The following SPATA32 variants were observed in gnomAD, a reference collection of about 807,000 sequenced individuals.
SPATA32 encodes the protein spermatogenesis associated 32, also known as spermatogenesis-associated protein 32.
A neutral mutation model predicts 35.4 loss-of-function variants in SPATA32; 28 were observed. The observed-to-expected ratio is 0.79, with a 90% confidence interval of 0.59 to 1.09. The LOEUF (loss-of-function observed/expected upper bound fraction) is 1.09. Ranked by LOEUF, SPATA32 falls within the 50% of genes least tolerant of loss-of-function variation. The pLI, the probability that SPATA32 is intolerant of heterozygous loss-of-function variation, is 0.00. For synonymous variants in SPATA32, 168 were observed against 196.3 expected, an observed-to-expected ratio of 0.86 and a Z score of 1.20; for missense variants, 409 against 475.9, an observed-to-expected ratio of 0.86 and a Z score of 1.31.
chr17:45,256,271 G>A lies in SPATA32; in HGVS notation c.108+105C>T. On this transcript the variant is annotated intron_variant, in intron 3 of 4. Coordinates refer to ENST00000331780, the MANE Select transcript of SPATA32 (RefSeq NM_152343.3). The surrounding 1 kb of genome is among the most constrained non-coding windows in gnomAD (Gnocchi z 4.7). ...GTGTGGGTGTACCCACACCGGCCTG[G>A]TACTAGGGTCCCAGGATTGTCAAGG... The A allele has an allele frequency of 2.3e-6, 3 of 1,316,782 alleles. No homozygotes were observed. Among genetic ancestry groups the A allele is most frequent in the Non-Finnish European group, 3.3e-6 (3 of 910,688 alleles). The allele number at this position is 1,316,782 out of a possible 1,614,324, so 81.6% of individuals were successfully genotyped here. A position where few individuals can be genotyped will look rare whatever the true frequency, so the allele number is the denominator to read the frequency against.
Position 45,262,088 on chromosome 17 carries a change from T to G in SPATA32, c.-72A>C. 7.6e-7 allele frequency: 1 copy of G among 1,307,764 alleles called. No homozygotes were observed. 81.0% of individuals were successfully genotyped at this position (1,307,764 alleles called of 1,614,324 possible). A position where few individuals can be genotyped will look rare whatever the true frequency, so the allele number is the denominator to read the frequency against. On this transcript the variant is annotated 5_prime_UTR_variant, in exon 1 of 5. Transcript: ENST00000331780. ...CTGCCTCTCCGCCTCCAGTGTGCTC[T>G]TTGGCTGAGGGACTGGTGGGCGCTG...
At chr17:45,254,547 C>T in intron 4 of SPATA32, 34 bp from the exon 5 acceptor site, 1 of 1,609,536 alleles carries the variant, frequency 6.2e-7, no homozygotes, top group Non-Finnish European at 8.5e-7. Context: ...CACTTGGGCC[C>T]CAGAGGGTGG....
At position 45,257,153 on chromosome 17, in the gene SPATA32, C is replaced by A. The variant is rs780231460; in HGVS notation, c.68G>T (p.Arg23Leu). 1.2e-6 allele frequency: 2 copies of A among 1,612,160 alleles called. No homozygotes were observed. Among genetic ancestry groups the A allele is most frequent in the South Asian group, 1.1e-5 (1 of 90,792 alleles). ...GKGSVEVAEM[R>L]DDLSQHQIQE... ...TACGTTGATTGAGGATGGTTCTCAC[C>A]GCATCTCTGCAACCTCCACTGACCC... Residue 23 changes from arginine (R) to leucine (L), a missense_variant and splice_region_variant, in exon 2 of 5, where the codon CGA becomes CTA. By Grantham distance (102) the Arg-to-Leu change is moderately radical. Coordinates refer to ENST00000331780, the MANE Select transcript of SPATA32 (RefSeq NM_152343.3).
rs753116813 is a variant in SPATA32, at chr17:45,256,522, G to A, written c.69-107C>T. On this transcript the variant is annotated intron_variant, in intron 2 of 4. Coordinates refer to ENST00000331780, the MANE Select transcript of SPATA32 (RefSeq NM_152343.3). The surrounding 1 kb of genome is among the most constrained non-coding windows in gnomAD (Gnocchi z 4.7). ...TCTGCCTTGTAACAGAAGCTGGCAC[G>A]ATGCACCTCCCGCCGACCACCCCGC... 1.7e-4 allele frequency: 164 copies of A among 975,132 alleles called. No homozygotes were observed. The Middle Eastern group carries it at 2.5e-3, about 15-fold the overall frequency. The allele number at this position is 975,132 out of a possible 1,614,324, so 60.4% of individuals were successfully genotyped here. A position where few individuals can be genotyped will look rare whatever the true frequency, so the allele number is the denominator to read the frequency against.
In SPATA32 at chr17:45,256,454, T is replaced by C; in HGVS notation, c.69-39A>G. Reference sequence around the variant, plus strand: ...AGACAGAGTGGGTGATGGGGATCTGTGGGGCTTCAGCGGGAAGGGGGTTTC... The same window carrying C: ...AGACAGAGTGGGTGATGGGGATCTGCGGGGCTTCAGCGGGAAGGGGGTTTC... On this transcript the variant is annotated intron_variant, in intron 2 of 4. Transcript: ENST00000331780. The surrounding 1 kb of genome is among the most constrained non-coding windows in gnomAD (Gnocchi z 4.7). 1.3e-6 allele frequency: 2 copies of C among 1,589,936 alleles called. No individual in the cohort carries two copies. Among genetic ancestry groups the C allele is most frequent in the South Asian group, 1.1e-5 (1 of 90,668 alleles).
chr17:45,259,292 A>G (rs1331589203), intron 1 of SPATA32, among the ~76,000 whole-genome samples: 2 of 152,110 alleles, frequency 1.3e-5, no homozygotes, highest in African/African-American at 2.4e-5. Context: ...GATGCCTTTC[A>G]TTAGCTTGGG....
At position 45,254,409 on chromosome 17, in the gene SPATA32, T is replaced by A; in HGVS notation, c.*17A>T. ...AAGCCGACGGCCAGCACTGGAGGCTTTATTGGTTCTGTCTAGTCATTTCTC... is the reference window on the plus strand; with the variant it reads ...AAGCCGACGGCCAGCACTGGAGGCTATATTGGTTCTGTCTAGTCATTTCTC... On this transcript the variant is annotated 3_prime_UTR_variant, in exon 5 of 5. Coordinates refer to ENST00000331780, the MANE Select transcript of SPATA32 (RefSeq NM_152343.3). The A allele has an allele frequency of 1.2e-6, 2 of 1,613,056 alleles. No individual in the cohort carries two copies. The highest frequency in any genetic ancestry group is 1.7e-6 in the Non-Finnish European group (2 of 1,179,030).
chr17:45,256,213 C>T lies in SPATA32; in HGVS notation c.109-140G>A. The T allele has an allele frequency of 8.1e-7, 1 of 1,235,854 alleles. No homozygotes were observed. The highest frequency in any genetic ancestry group is 1.2e-6 in the Non-Finnish European group (1 of 854,912). The allele number at this position is 1,235,854 out of a possible 1,614,324, so 76.6% of individuals were successfully genotyped here. ...CCGCCCCCTAACCCCATGCCTGCCT[C>T]CTCTCAGAGACCTGCCCGGTGAGGG... On this transcript the variant is annotated intron_variant, in intron 3 of 4. Coordinates refer to ENST00000331780, the MANE Select transcript of SPATA32 (RefSeq NM_152343.3). This position sits in a 1 kb window ranked among gnomAD's most constrained non-coding sequence, Gnocchi z 4.7.
At position 45,256,279 on chromosome 17, in the gene SPATA32, G is replaced by T; in HGVS notation, c.108+97C>A. On this transcript the variant is annotated intron_variant, in intron 3 of 4. Coordinates refer to ENST00000331780, the MANE Select transcript of SPATA32 (RefSeq NM_152343.3). The surrounding 1 kb of genome is among the most constrained non-coding windows in gnomAD (Gnocchi z 4.7). Reference sequence around the variant, plus strand: ...GTACCCACACCGGCCTGGTACTAGGGTCCCAGGATTGTCAAGGGTAGGGGC... The same window carrying T: ...GTACCCACACCGGCCTGGTACTAGGTTCCCAGGATTGTCAAGGGTAGGGGC... 1.5e-6 allele frequency: 2 copies of T among 1,354,954 alleles called. No individual in the cohort carries two copies. The highest frequency in any genetic ancestry group is 2.1e-6 in the Non-Finnish European group (2 of 944,544). The allele number at this position is 1,354,954 out of a possible 1,614,324, so 83.9% of individuals were successfully genotyped here. A position where few individuals can be genotyped will look rare whatever the true frequency, so the allele number is the denominator to read the frequency against.
At position 45,256,397 on chromosome 17, in the gene SPATA32, G is replaced by A. The variant is rs749935118; in HGVS notation, c.87C>T (p.His29=). 1.2e-4 allele frequency: 199 copies of A among 1,606,204 alleles called. No homozygotes were observed. The highest frequency in any genetic ancestry group is 1.6e-4 in the Non-Finnish European group (194 of 1,175,938). ...VAEMRDDLSQ[H]QIQEEQELEA... is the part of the protein sequence containing the mutation. ...TTACCTCCTGTTCCTCTTGTATCTG[G>A]TGTTGACTTAAGTCATCTCTAAGAC... Residue 29 remains histidine, a synonymous_variant, in exon 3 of 5, where the codon CAC becomes CAT. Transcript: ENST00000331780. The surrounding 1 kb of genome is among the most constrained non-coding windows in gnomAD (Gnocchi z 4.7).
Position 45,255,328 on chromosome 17 carries a change from T to C in SPATA32, c.854A>G (p.Glu285Gly). 1 of 1,614,212 alleles carries C rather than the reference T, an allele frequency of 6.2e-7. No individual in the cohort carries two copies. The highest frequency in any genetic ancestry group is 1.1e-5 in the South Asian group (1 of 91,090). Residue 285 changes from glutamate (E) to glycine (G), a missense_variant, in exon 4 of 5, where the codon GAG becomes GGG. Physicochemically the swap from Glu to Gly is moderately conservative, Grantham distance 98. Coordinates refer to ENST00000331780, the MANE Select transcript of SPATA32 (RefSeq NM_152343.3). This position sits in a 1 kb window ranked among gnomAD's most constrained non-coding sequence, Gnocchi z 5.4. ...PSTEPLLTTVEEREPENHAET... is the reference protein window; with the variant it reads ...PSTEPLLTTVGEREPENHAET... ...TGCGTGATTTTCTGGCTCTCGCTCCTCCACAGTGGTCAGGAGGGGCTCTGT... is the reference window on the plus strand; with the variant it reads ...TGCGTGATTTTCTGGCTCTCGCTCCCCCACAGTGGTCAGGAGGGGCTCTGT...
chr17:45,261,694 T>G, intron 1 of SPATA32: 1 of 361,468 alleles, frequency 2.8e-6, no homozygotes, highest in Non-Finnish European at 4.9e-6. Flanking sequence ...CACAAGGCCA[T>G]TGCTCCTTCT....
chr17:45,256,901 A>G lies in SPATA32; in HGVS notation c.68+252T>C, dbSNP rs981589081. On this transcript the variant is annotated intron_variant, in intron 2 of 4. Coordinates refer to ENST00000331780, the MANE Select transcript of SPATA32 (RefSeq NM_152343.3). The surrounding 1 kb of genome is among the most constrained non-coding windows in gnomAD (Gnocchi z 4.7). ...AGGCAGCTCTGAGGGGTCAGGTCCT[A>G]TCCTGTCCCTGGGTGTGCCCCACCA... Among the ~76,000 whole-genome samples, 3 of 152,078 alleles carry G rather than the reference A, an allele frequency of 2.0e-5. No individual in the cohort carries two copies. The highest frequency in any genetic ancestry group is 2.0e-4 in the Admixed American group (3 of 15,268).
chr17:45,256,232 G>GT lies in SPATA32; in HGVS notation c.108+143dup. 8.3e-7 allele frequency: 1 copy of GT among 1,198,958 alleles called. No individual in the cohort carries two copies. The highest frequency in any genetic ancestry group is 1.2e-6 in the Non-Finnish European group (1 of 815,914). 74.3% of individuals were successfully genotyped at this position (1,198,958 alleles called of 1,614,324 possible). A position where few individuals can be genotyped will look rare whatever the true frequency, so the allele number is the denominator to read the frequency against. Reference sequence around the variant, plus strand: ...CTGCCTCCTCTCAGAGACCTGCCCGGTGAGGGGGTGTGTGTGTGGGTGTAC... The same window carrying GT: ...CTGCCTCCTCTCAGAGACCTGCCCGGTTGAGGGGGTGTGTGTGTGGGTGTAC... On this transcript the variant is annotated intron_variant, in intron 3 of 4. Coordinates refer to ENST00000331780, the MANE Select transcript of SPATA32 (RefSeq NM_152343.3). The surrounding 1 kb of genome is among the most constrained non-coding windows in gnomAD (Gnocchi z 4.7).
intron 1 of SPATA32, among the ~76,000 whole-genome samples, chr17:45,257,693 G>A (rs771958245): frequency 5.3e-5 from 8 of 151,982 alleles, no homozygotes; most frequent in Non-Finnish European, 1.2e-4. Context: ...TCCCAATAAC[G>A]CCCCATGTGA....
intron 1 of SPATA32, among the ~76,000 whole-genome samples, chr17:45,258,775 T>C (rs1598228614): frequency 6.6e-6 from 1 of 152,216 alleles, no homozygotes; most frequent in East Asian, 1.9e-4. Context: ...GCTGGGATTA[T>C]AGGCATGCGC....
At position 45,256,016 on chromosome 17, in the gene SPATA32, G is replaced by GGTCTGT. The variant is rs780488017; in HGVS notation, c.165_166insACAGAC (p.Asp55_Pro56insThrAsp). On this transcript the variant is annotated inframe_insertion, in exon 4 of 5. Transcript: ENST00000331780. The surrounding 1 kb of genome is among the most constrained non-coding windows in gnomAD (Gnocchi z 4.7). ...AGTTCTGGGTCTGGGTCTGGGTCTG[G>GGTCTGT]GTCCAGGTCCAGGTCCACTTGGAGT... 4.3e-6 allele frequency: 7 copies of GGTCTGT among 1,613,244 alleles called. No homozygotes were observed. The highest frequency in any genetic ancestry group is 5.9e-6 in the Non-Finnish European group (7 of 1,179,674).
Position 45,256,232 on chromosome 17 carries a change from G to A in SPATA32, c.108+144C>T, listed in dbSNP as rs1598226421. The A allele has an allele frequency of 5.8e-6, 7 of 1,198,840 alleles. No individual in the cohort carries two copies. The East Asian group carries it at 1.4e-4, about 24-fold the overall frequency. 74.3% of individuals were successfully genotyped at this position (1,198,840 alleles called of 1,614,324 possible). ...CTGCCTCCTCTCAGAGACCTGCCCG[G>A]TGAGGGGGTGTGTGTGTGGGTGTAC... On this transcript the variant is annotated intron_variant, in intron 3 of 4. Transcript: ENST00000331780. The surrounding 1 kb of genome is among the most constrained non-coding windows in gnomAD (Gnocchi z 4.7).
intron 1 of SPATA32, among the ~76,000 whole-genome samples, chr17:45,259,034 CT>C (rs57633549): frequency 6.6e-6 from 1 of 151,024 alleles, no homozygotes; most frequent in African/African-American, 2.4e-5. Flanking sequence ...GTTCTCATAG[CT>C]TTTTTTTTCT....
Sources: gnomAD v4.1 joint callset for allele counts (sites outside exome capture counted in the v4.1 genomes callset) on GRCh38, gnomAD v4.1.1 for gene constraint, Gnocchi (gnomAD v3.1) non-coding constraint, MANE v1.5 for transcripts, NCBI Gene and HGNC (gene_info 2026-07-23, HGNC 2026-07-21) for gene names.